The following SLC12A1 variants were observed in gnomAD, a reference collection of about 807,000 sequenced individuals.
SLC12A1 encodes solute carrier family 12 member 1, also known as Na-K-2Cl cotransporter.
In SLC12A1, 89 loss-of-function variants were observed where a neutral mutation model predicts 130.4. The ratio of observed to expected loss-of-function variants is 0.68; its 90% CI spans 0.58 to 0.81. The LOEUF is 0.81. Ranked by LOEUF, SLC12A1 falls within the 40% of genes least tolerant of loss-of-function variation. The pLI is 0.00. For synonymous variants in SLC12A1, 499 were observed against 460.0 expected (o/e 1.08, Z -1.09); for missense variants, 1,310 against 1,336.4 (o/e 0.98, Z 0.31).
intron 21 of SLC12A1, among the ~76,000 whole-genome samples, chr15:48,286,427 A>C (rs949501750): frequency 6.6e-6 from 1 of 152,230 alleles, no homozygotes; most frequent in African/African-American, 2.4e-5. Flanking sequence ...ACTGTTCTGG[A>C]TGCTAACTAT....
At position 48,234,941 on chromosome 15, in the gene SLC12A1, T is replaced by C. The variant is rs2041423079; in HGVS notation, c.1152T>C (p.Phe384=). The change falls in exon 9 of 27, where the codon TTT becomes TTC. Residue 384 remains phenylalanine, a synonymous_variant. Coordinates refer to ENST00000380993, the MANE Select transcript of SLC12A1 (RefSeq NM_000338.3). Reference sequence around the variant, plus strand: ...AGGGTGAAGGCTTCTTCTCTGTCTTTGCCATTTTTTTCCCAGCAGCTACTG... The same window carrying C: ...AGGGTGAAGGCTTCTTCTCTGTCTTCGCCATTTTTTTCCCAGCAGCTACTG... ...FTKGEGFFSV[F]AIFFPAATGI... 6.2e-7 allele frequency: 1 copy of C among 1,613,914 alleles called. No individual in the cohort carries two copies. Among genetic ancestry groups the C allele is most frequent in the African/African-American group, 1.3e-5 (1 of 75,036 alleles).
At chr15:48,262,199 C>T (rs529719706) in intron 17 of SLC12A1, among the ~76,000 whole-genome samples, 1 of 152,234 alleles carries the variant, frequency 6.6e-6, no homozygotes, top group Admixed American at 6.5e-5. Flanking sequence ...CATGATGTAA[C>T]AGTGAGATAT....
Position 48,244,742 on chromosome 15 carries a change from T to G in SLC12A1, c.1301-11T>G, listed in dbSNP as rs941806518. Reference sequence around the variant, plus strand: ...TTATAAAGAAATAACAAGCCACGGTTGTTTCCACAGGGGCCTGTGTGGTCC... The same window carrying G: ...TTATAAAGAAATAACAAGCCACGGTGGTTTCCACAGGGGCCTGTGTGGTCC... On this transcript the variant is annotated splice_polypyrimidine_tract_variant and intron_variant, in intron 10 of 26. Coordinates refer to ENST00000380993, the MANE Select transcript of SLC12A1 (RefSeq NM_000338.3). The G allele has an allele frequency of 6.2e-7, 1 of 1,613,592 alleles. No homozygotes were observed. Among genetic ancestry groups the G allele is most frequent in the Non-Finnish European group, 8.5e-7 (1 of 1,179,748 alleles).
chr15:48,263,547 T>C (rs1267282449), intron 17 of SLC12A1, among the ~76,000 whole-genome samples: 2 of 152,194 alleles, frequency 1.3e-5, no homozygotes, highest in East Asian at 3.8e-4. Flanking sequence ...TGGCTCACTA[T>C]ATAAAATTAA....
rs1442023118 is a variant in SLC12A1 at position 48,220,978 on chromosome 15, G to T, written c.610G>T (p.Val204Phe). 1 of 1,613,824 alleles carries T rather than the reference G, an allele frequency of 6.2e-7. No homozygotes were observed. The highest frequency in any genetic ancestry group is 8.5e-7 in the Non-Finnish European group (1 of 1,179,828). The change falls in exon 4 of 27, where the codon GTT becomes TTT. Residue 204 changes from valine to phenylalanine, a missense_variant. Transcript: ENST00000380993. ...VMLFIRLSWI[V>F]GEAGIGLGVL... ...GCTCTTCATTCGCCTCTCCTGGATT[G>T]TTGGAGAAGCTGGAATTGGTAAGCA... is the stretch of plus-strand genomic sequence containing the variant.
At chr15:48,212,221 T>C (rs1467917666) in intron 2 of SLC12A1, among the ~76,000 whole-genome samples, 1 of 152,138 alleles carries the variant, frequency 6.6e-6, no homozygotes, top group Non-Finnish European at 1.5e-5. Context: ...CTAAAAAATA[T>C]GTAATAAAAT....
chr15:48,221,270 G>C (rs2041212036), intron 4 of SLC12A1: 1 of 698,888 alleles, frequency 1.4e-6, no homozygotes, highest in Non-Finnish European at 2.6e-6. Flanking sequence ...ACATATAATA[G>C]CATGTTAATT....
chr15:48,223,676 A>C (rs1405846916), intron 4 of SLC12A1: 1 of 152,216 alleles, frequency 6.6e-6, no homozygotes, highest in East Asian at 1.9e-4. Flanking sequence ...ATTTTCTATC[A>C]AGCTTCTTCA....
chr15:48,272,146 TAAAGTTC>T (rs1339527999), intron 19 of SLC12A1, among the ~76,000 whole-genome samples: 1 of 152,152 alleles, frequency 6.6e-6, no homozygotes, highest in Admixed American at 6.5e-5. Context: ...TCCTTGGTAA[TAAAGTTC>T]AATATTAGGG....
intron 4 of SLC12A1, chr15:48,225,239 A>C (rs1039841670): frequency 6.6e-6 from 1 of 152,166 alleles, no homozygotes; most frequent in African/African-American, 2.4e-5. Flanking sequence ...AATGTAATTT[A>C]ATTTCATTCT....
rs1555387676 is a variant in SLC12A1 at position 48,300,337 on chromosome 15, A to AG, written c.3097-978_3097-977insG. On this transcript the variant is annotated intron_variant, in intron 25 of 26. Coordinates refer to ENST00000380993, the MANE Select transcript of SLC12A1 (RefSeq NM_000338.3). ...TGAAACCCTGTTTAAAAAAAAAAAA[A>AG]AGAGAGAGAGAAATCTTAGGATAAA... Among the ~76,000 whole-genome samples the AG allele has an allele frequency of 4.2e-3, 645 of 152,008 alleles. 4 individuals carry two copies. Among genetic ancestry groups the AG allele is most frequent in the African/African-American group, 0.014 (592 of 41,460 alleles).
intron 17 of SLC12A1, 46 bp from the exon 18 acceptor site, chr15:48,267,515 A>T: frequency 6.2e-7 from 1 of 1,606,314 alleles, no homozygotes; most frequent in South Asian, 1.1e-5. Flanking sequence ...CAGCAATGTG[A>T]TATATAATAG....
At position 48,240,072 on chromosome 15, in the gene SLC12A1, CATATATATATATATATATCCAT is replaced by C. The variant is rs1174710084; in HGVS notation, c.1216-1426_1216-1405del. 9.4e-4 allele frequency among the ~76,000 whole-genome samples: 49 copies of C among 52,088 alleles called. 5 individuals carry two copies. Among genetic ancestry groups the C allele is most frequent in the African/African-American group, 2.5e-3 (31 of 12,548 alleles). The allele number at this position is 52,088 out of a possible 152,430, so 34.2% of individuals were successfully genotyped here. A position where few individuals can be genotyped will look rare whatever the true frequency, so the allele number is the denominator to read the frequency against. On this transcript the variant is annotated intron_variant, in intron 9 of 26. Transcript: ENST00000380993. ...ATCCATATATATATATATATATATC[CATATATATATATATATATCCAT>C]ATATATATATATATATCCATATATA... is the stretch of plus-strand genomic sequence containing the variant.
intron 19 of SLC12A1, 35 bp from the exon 20 acceptor site, chr15:48,274,536 A>C: frequency 6.9e-7 from 1 of 1,444,040 alleles, no homozygotes; most frequent in South Asian, 1.2e-5. Flanking sequence ...TAAAAGAGCC[A>C]TTTAAAACGC....
chr15:48,229,671 A>C (rs1486864056), intron 6 of SLC12A1, among the ~76,000 whole-genome samples: 5 of 152,242 alleles, frequency 3.3e-5, no homozygotes, highest in African/African-American at 1.2e-4. Context: ...CAGATAAATA[A>C]TGGATATTGC....
chr15:48,287,956 T>C (rs2042076852), intron 21 of SLC12A1, 87 bp from the exon 22 acceptor site: 1 of 1,403,784 alleles, frequency 7.1e-7, no homozygotes, highest in Non-Finnish European at 9.6e-7. Context: ...TGACCTTTTC[T>C]CTATTTTCAT....
At chr15:48,283,223 G>A (rs558695688) in intron 20 of SLC12A1, among the ~76,000 whole-genome samples, 3 of 152,236 alleles carry the variant, frequency 2.0e-5, no homozygotes, top group African/African-American at 7.2e-5. Context: ...CAGAAACTTT[G>A]TTTATTCTTT....
intron 26 of SLC12A1, 121 bp downstream of exon 26, chr15:48,301,503 G>GCGGGGA: frequency 4.5e-6 from 2 of 442,782 alleles, no homozygotes; most frequent in Non-Finnish European, 3.6e-6. Flanking sequence ...TGTTTTTTTT[G>GCGGGGA]GGGGGGGGAA....
At position 48,234,847 on chromosome 15, in the gene SLC12A1, A is replaced by G. The variant is rs767689414; in HGVS notation, c.1088-30A>G. ...CTCCTGTACTGTGAAAAATGTCTAC[A>G]TCATAATTTTCTTATAATTTATGTT... On this transcript the variant is annotated intron_variant, in intron 8 of 26. Coordinates refer to ENST00000380993, the MANE Select transcript of SLC12A1 (RefSeq NM_000338.3). The G allele has an allele frequency of 5.6e-6, 9 of 1,611,080 alleles. No individual in the cohort carries two copies. In the East Asian group the frequency reaches 1.1e-4, roughly 20 times the overall value.
Sources: allele counts gnomAD v4.1 joint callset (sites outside exome capture counted in the v4.1 genomes callset), GRCh38; gene constraint gnomAD v4.1.1; transcripts MANE v1.5; gene names NCBI Gene and HGNC (gene_info 2026-07-23, HGNC 2026-07-21).